Variants in RANBP2 observed in about 807,000 individuals in gnomAD.
RANBP2 encodes E3 SUMO-protein ligase RanBP2.
Under a neutral mutation model 303.6 loss-of-function variants are expected in RANBP2, and 57 were observed. The ratio of observed to expected loss-of-function variants is 0.19; its 90% CI spans 0.15 to 0.23. The LOEUF is 0.23. Among genes scored for constraint, RANBP2 ranks in the 10% least tolerant of loss-of-function variants. The pLI is 1.00. For missense variants in RANBP2, 3,138 were observed against 3,780.8 expected (o/e 0.83, Z 4.46); for synonymous variants, 1,167 against 1,301.5 (o/e 0.90, Z 2.23).
chr2:109,469,662 G>C, the RANBP2 span, among the ~76,000 whole-genome samples: 1 of 152,164 alleles, frequency 6.6e-6, no homozygotes, highest in Non-Finnish European at 1.5e-5. Flanking sequence ...TCTGATTAAG[G>C]ACAAATCCAC....
At chr2:109,209,947 CTG>C in the RANBP2 span, among the ~76,000 whole-genome samples, 1 of 152,230 alleles carries the variant, frequency 6.6e-6, no homozygotes, top group African/African-American at 2.4e-5. Flanking sequence ...CCTTTCCAAA[CTG>C]TGTCCCCATT....
the RANBP2 span, among the ~76,000 whole-genome samples, chr2:108,888,727 A>AT: frequency 7.3e-5 from 11 of 151,174 alleles, no homozygotes; most frequent in South Asian, 1.0e-3. Flanking sequence ...CCGTGTATCA[A>AT]TTTTTTTTAT....
At chr2:109,628,398 G>A in the RANBP2 span, among the ~76,000 whole-genome samples, 1 of 152,048 alleles carries the variant, frequency 6.6e-6, no homozygotes, top group African/African-American at 2.4e-5. Flanking sequence ...GGAGGCTGAG[G>A]CATGAGAATT....
the RANBP2 span, among the ~76,000 whole-genome samples, chr2:109,578,079 G>A: frequency 6.6e-6 from 1 of 152,038 alleles, no homozygotes; most frequent in Non-Finnish European, 1.5e-5. Flanking sequence ...GTGATAATGT[G>A]TAAGAGAACC....
chr2:108,842,748 G>C, the RANBP2 span, among the ~76,000 whole-genome samples: 1 of 152,168 alleles, frequency 6.6e-6, no homozygotes, highest in Non-Finnish European at 1.5e-5. Flanking sequence ...TGGAAACAGT[G>C]TTAAAAGTGA....
chr2:109,367,792 A>G, the RANBP2 span, among the ~76,000 whole-genome samples: 2 of 152,174 alleles, frequency 1.3e-5, no homozygotes, highest in South Asian at 2.1e-4. Flanking sequence ...TGCACACTTG[A>G]TTTTTCTTAG....
the RANBP2 span, among the ~76,000 whole-genome samples, chr2:109,367,116 G>C: frequency 0.19 from 26,836 of 142,824 alleles, 3,015 homozygotes; most frequent in African/African-American, 0.33. Flanking sequence ...CTGTGCCCTG[G>C]TAATTTTTTT....
At chr2:108,979,133 G>A in the RANBP2 span, among the ~76,000 whole-genome samples, 1 of 152,190 alleles carries the variant, frequency 6.6e-6, no homozygotes, top group Non-Finnish European at 1.5e-5. Flanking sequence ...AGGATGCCAA[G>A]GCTGCCCCTC....
chr2:109,677,165 C>A, the RANBP2 span, among the ~76,000 whole-genome samples: 3 of 152,136 alleles, frequency 2.0e-5, no homozygotes, highest in Admixed American at 6.5e-5. Flanking sequence ...CTCTGGGCAC[C>A]TTTCCCTGCC....
the RANBP2 span, among the ~76,000 whole-genome samples, chr2:109,392,661 G>T: frequency 6.6e-6 from 1 of 152,150 alleles, no homozygotes; most frequent in Non-Finnish European, 1.5e-5. Context: ...TGGGACTACA[G>T]GCGCCTGCCA....
chr2:108,860,312 T>C, the RANBP2 span, among the ~76,000 whole-genome samples: 1 of 152,176 alleles, frequency 6.6e-6, no homozygotes, highest in Non-Finnish European at 1.5e-5. Flanking sequence ...GTCTTCCTCT[T>C]TGGATGCCTT....
chr2:109,732,249 A>G, the RANBP2 span, among the ~76,000 whole-genome samples: 2 of 152,164 alleles, frequency 1.3e-5, no homozygotes, highest in Non-Finnish European at 2.9e-5. Context: ...GACCTAGGCC[A>G]CCTTCTCACA....
the RANBP2 span, among the ~76,000 whole-genome samples, chr2:109,226,896 C>T: frequency 2.0e-5 from 3 of 152,148 alleles, no homozygotes; most frequent in South Asian, 2.1e-4. Context: ...GAAGCAAAGC[C>T]GTGTGGTGGC....
chr2:108,892,527 C>G, the RANBP2 span, among the ~76,000 whole-genome samples: 2 of 152,140 alleles, frequency 1.3e-5, no homozygotes, highest in Non-Finnish European at 2.9e-5. Context: ...GCAATCTACC[C>G]AAGGCTAGGT....
At chr2:109,129,574 A>G in the RANBP2 span, 7 of 1,486,612 alleles carry the variant, frequency 4.7e-6, no homozygotes, top group Admixed American at 4.6e-5. Flanking sequence ...GTGCGCATCC[A>G]AGGCGGCCGC....
the RANBP2 span, among the ~76,000 whole-genome samples, chr2:109,158,758 GTTTC>G: frequency 1.3e-5 from 2 of 152,226 alleles, no homozygotes; most frequent in African/African-American, 4.8e-5. Flanking sequence ...GTTGCTAAGT[GTTTC>G]TTTCAAAGCA....
At chr2:109,203,745 C>G in the RANBP2 span, among the ~76,000 whole-genome samples, 3 of 152,222 alleles carry the variant, frequency 2.0e-5, no homozygotes, top group Admixed American at 6.5e-5. Flanking sequence ...TCTGCCCAGC[C>G]CACAGAACCC....
the RANBP2 span, among the ~76,000 whole-genome samples, chr2:109,722,507 C>G: frequency 2.0e-5 from 3 of 152,220 alleles, no homozygotes; most frequent in Non-Finnish European, 4.4e-5. Context: ...ATCCAAGTTA[C>G]ATGTGCAGGA....
chr2:108,751,239 A>G (rs1573767597), intron 9 of RANBP2, 25 bp from the exon 10 acceptor site: 8 of 1,611,994 alleles, frequency 5.0e-6, no homozygotes, highest in Non-Finnish European at 6.8e-6. Flanking sequence ...CAAACCCTTA[A>G]GCCAATTTTT....
Sources: allele counts gnomAD v4.1 joint callset (sites outside exome capture counted in the v4.1 genomes callset), GRCh38; gene constraint gnomAD v4.1.1; transcripts MANE v1.5; gene names NCBI Gene and HGNC (gene_info 2026-07-23, HGNC 2026-07-21).